EIF4E2: variants seen among roughly 807,000 people sequenced by gnomAD.
EIF4E2 encodes eukaryotic translation initiation factor 4E family member 2.
In EIF4E2, 13 loss-of-function variants were observed where a neutral mutation model predicts 34.2. The ratio of observed to expected loss-of-function variants is 0.38; its 90% CI spans 0.25 to 0.60. The LOEUF (loss-of-function observed/expected upper bound fraction) is 0.60, where lower values mean the gene tolerates loss of function less well. Among genes scored for constraint, EIF4E2 ranks in the 20% least tolerant of loss-of-function variants. The pLI, the probability that EIF4E2 is intolerant of heterozygous loss-of-function variation, is 0.62. For missense variants in EIF4E2, 222 were observed against 315.1 expected, an observed-to-expected ratio of 0.70 and a Z score of 2.24; for synonymous variants, 100 against 106.6, an observed-to-expected ratio of 0.94 and a Z score of 0.38.
At chr2:232,557,800 TA>T in intron 2 of EIF4E2, 83 bp from the exon 3 acceptor site, 1 of 1,472,218 alleles carries the variant, frequency 6.8e-7, no homozygotes, top group Non-Finnish European at 9.3e-7. Context: ...GTGGAGGTGG[TA>T]AGGATTGACA....
chr2:232,582,975 G>A (rs1009994326), exon 7 of EIF4E2: 2 of 152,182 alleles, frequency 1.3e-5, no homozygotes, highest in Non-Finnish European at 2.9e-5. Context: ...AGCATCTTAC[G>A]CCCAGTGTTC....
chr2:232,552,685 T>C (rs201721207), intron 1 of EIF4E2, among the ~76,000 whole-genome samples: 1 of 11,278 alleles, frequency 8.9e-5, no homozygotes, highest in Non-Finnish European at 1.7e-4. Context: ...ACTTGCCCTC[T>C]TTTTTTTTCT....
rs758136547 is a variant in EIF4E2 at position 232,557,969 on chromosome 2, G to A, written c.221G>A (p.Ser74Asn). The change falls in exon 3 of 7, where the codon AGC (serine) becomes AAC (asparagine). Residue 74 changes from serine to asparagine, a missense_variant. Physicochemically the swap from Ser to Asn is conservative, Grantham distance 46. This residue lies in a region of EIF4E2 where 87 missense variants were observed against 93.6 expected (regional missense o/e 0.93). Transcript: ENST00000258416. ...YSRRTPGRPTSSQSYEQNIKQ... is the reference protein window; with the variant it reads ...YSRRTPGRPTNSQSYEQNIKQ... ...AGGAGAACCCCCGGCCGTCCCACGA[G>A]CTCACAGAGCTATGAACAGAATATC... 3 of 1,613,990 alleles carry A rather than the reference G, an allele frequency of 1.9e-6. No individual in the cohort carries two copies. The African/African-American group carries it at 4.0e-5, about 22-fold the overall frequency.
intron 6 of EIF4E2, among the ~76,000 whole-genome samples, chr2:232,575,674 A>G (rs186768661): frequency 1.3e-5 from 2 of 152,354 alleles, no homozygotes; most frequent in African/African-American, 4.8e-5. Flanking sequence ...GAGTGCTGCT[A>G]GTATACACAA....
At chr2:232,552,427 G>C (rs574566645) in intron 1 of EIF4E2, among the ~76,000 whole-genome samples, 1 of 152,054 alleles carries the variant, frequency 6.6e-6, no homozygotes, top group African/African-American at 2.4e-5. Context: ...TGCCCAGGCC[G>C]ATCTCGAACT....
At chr2:232,558,617 TTG>T (rs200494079) in intron 3 of EIF4E2, 32,469 of 146,704 alleles carry the variant, frequency 0.22, 3,644 homozygotes, top group Admixed American at 0.3. Context: ...GTTTGCTTGT[TTG>T]TTTTTTTTTT....
In EIF4E2 at chr2:232,566,614, A is replaced by G. The variant is rs753522799; in HGVS notation, c.376-215A>G. Among the ~76,000 whole-genome samples the G allele has an allele frequency of 6.6e-6, 1 of 152,270 alleles. No individual in the cohort carries two copies. The highest frequency in any genetic ancestry group is 2.4e-5 in the African/African-American group (1 of 41,476). On this transcript the variant is annotated intron_variant, in intron 4 of 6. Transcript: ENST00000258416. The surrounding 1 kb of genome is among the most constrained non-coding windows in gnomAD (Gnocchi z 4.9). ...TTTAAAAGGTCTGTTTAGCCATTTT[A>G]ATAAATGGCTTATGCCAAGGATCCC...
At chr2:232,576,046 A>C (rs62191571) in intron 6 of EIF4E2, among the ~76,000 whole-genome samples, 37,184 of 151,942 alleles carry the variant, frequency 0.24, 5,051 homozygotes, top group East Asian at 0.4. Flanking sequence ...TCTACTAAAA[A>C]TACAAAAATT....
At chr2:232,558,130 T>C in intron 3 of EIF4E2, 112 bp downstream of exon 3, 1 of 1,411,700 alleles carries the variant, frequency 7.1e-7, no homozygotes. Context: ...GTTTTCTTAA[T>C]TGACTGACCT....
At position 232,565,527 on chromosome 2, in the gene EIF4E2, G is replaced by A. The variant is rs1341826317; in HGVS notation, c.375+1176G>A. On this transcript the variant is annotated intron_variant, in intron 4 of 6. Transcript: ENST00000258416. ...CACGCGCCTGTAATCCCAGCTACTC[G>A]GGAGGCTGAGACAGGAGACTCACTT... Among the ~76,000 whole-genome samples the A allele has an allele frequency of 2.0e-5, 3 of 151,754 alleles. No homozygotes were observed. The South Asian group carries it at 6.3e-4, about 32-fold the overall frequency.
exon 7 of EIF4E2, chr2:232,583,119 G>A (rs750416504): frequency 6.6e-6 from 1 of 152,192 alleles, no homozygotes; most frequent in African/African-American, 2.4e-5. Context: ...ATGCTGAGAT[G>A]TGGCACGGTT....
intron 2 of EIF4E2, 43 bp downstream of exon 2, chr2:232,556,573 AC>A (rs1199558333): frequency 7.5e-6 from 10 of 1,336,776 alleles, no homozygotes; most frequent in Middle Eastern, 3.6e-4. Context: ...TGAACTTGAG[AC>A]TTTTATTATC....
intron 1 of EIF4E2, chr2:232,551,233 G>A (rs1211628055): frequency 4.2e-6 from 2 of 475,072 alleles, no homozygotes; most frequent in East Asian, 1.4e-4. Context: ...TGTGGTTGCT[G>A]CCCTCGACGC....
intron 1 of EIF4E2, 148 bp downstream of exon 1, chr2:232,550,892 G>A (rs1440410884): frequency 6.1e-6 from 5 of 822,896 alleles, no homozygotes; most frequent in South Asian, 5.4e-5. Flanking sequence ...GACTGGCGGG[G>A]AGGAGGGGGC....
chr2:232,563,096 T>C (rs1413816240), intron 3 of EIF4E2, among the ~76,000 whole-genome samples: 1 of 152,260 alleles, frequency 6.6e-6, no homozygotes, highest in Non-Finnish European at 1.5e-5. Context: ...AGCTCCACAG[T>C]TGTGGTATCT....
intron 3 of EIF4E2, among the ~76,000 whole-genome samples, chr2:232,558,978 G>C (rs1182139681): frequency 1.3e-5 from 2 of 151,920 alleles, no homozygotes; most frequent in Non-Finnish European, 2.9e-5. Flanking sequence ...TATGTACCCA[G>C]TGTGTGCTGT....
downstream of EIF4E2, among the ~76,000 whole-genome samples, chr2:232,572,171 G>A (rs998865806): frequency 6.6e-6 from 1 of 152,142 alleles, no homozygotes; most frequent in African/African-American, 2.4e-5. Context: ...TTAAAAGAAG[G>A]AAGTTTTAAT....
chr2:232,574,345 G>C, intron 6 of EIF4E2: 1 of 1,550,468 alleles, frequency 6.4e-7, no homozygotes, highest in South Asian at 1.2e-5. Flanking sequence ...ACTCAGGGTA[G>C]GGCCTTGTCT....
intron 2 of EIF4E2, among the ~76,000 whole-genome samples, chr2:232,557,180 G>C (rs1462459710): frequency 2.0e-5 from 3 of 152,242 alleles, no homozygotes; most frequent in Non-Finnish European, 4.4e-5. Flanking sequence ...AGGAGGCAGA[G>C]GTTGCAGTGA....
Sources: allele counts gnomAD v4.1 joint callset (sites outside exome capture counted in the v4.1 genomes callset), GRCh38; gene constraint gnomAD v4.1.1; regional missense constraint gnomAD v4.1.1; non-coding constraint Gnocchi (gnomAD v3.1); transcripts MANE v1.5; gene names NCBI Gene and HGNC (gene_info 2026-07-23, HGNC 2026-07-21).